The following HNF4A variants were observed in gnomAD, a reference collection of about 807,000 sequenced individuals.
HNF4A encodes hepatocyte nuclear factor 4 alpha, also known as hepatocyte nuclear factor 4-alpha.
A neutral mutation model predicts 52.4 loss-of-function variants in HNF4A; 15 were observed. That is an observed-to-expected ratio of 0.29 (90% CI 0.19 to 0.44). HNF4A has a LOEUF of 0.44. HNF4A is among the 20% of genes least tolerant of loss of function. The pLI is 1.00. For missense variants in HNF4A, 479 were observed against 647.2 expected, an observed-to-expected ratio of 0.74 and a Z score of 2.82; for synonymous variants, 280 against 264.4, an observed-to-expected ratio of 1.06 and a Z score of -0.57.
chr20:44,376,810 T>C (rs2063090364), intron 1 of HNF4A, among the ~76,000 whole-genome samples: 1 of 152,196 alleles, frequency 6.6e-6, no homozygotes, highest in African/African-American at 2.4e-5. Flanking sequence ...TTAAATGATA[T>C]ACTGTACATA....
upstream of HNF4A, among the ~76,000 whole-genome samples, chr20:44,400,260 A>G (rs1437092855): frequency 2.0e-5 from 3 of 151,506 alleles, no homozygotes; most frequent in African/African-American, 4.9e-5. Context: ...CACTGGCGAT[A>G]CCCCCACAAA....
chr20:44,393,749 A>AACCCTGGAAGTT (rs1390973009), intron 1 of HNF4A, among the ~76,000 whole-genome samples: 1 of 152,184 alleles, frequency 6.6e-6, no homozygotes, highest in Non-Finnish European at 1.5e-5. Flanking sequence ...TTTTCATGAC[A>AACCCTGGAAGTT]ACCCTGGAAG....
At chr20:44,366,186 TAGTAAG>T (rs1233170183) in intron 1 of HNF4A, among the ~76,000 whole-genome samples, 2 of 152,224 alleles carry the variant, frequency 1.3e-5, no homozygotes, top group Non-Finnish European at 2.9e-5. Context: ...GCATTTCATG[TAGTAAG>T]AGTAAGATAT....
intron 1 of HNF4A, among the ~76,000 whole-genome samples, chr20:44,386,819 A>G (rs1476424443): frequency 6.6e-6 from 1 of 152,182 alleles, no homozygotes; most frequent in Non-Finnish European, 1.5e-5. Flanking sequence ...ACCTTTCTAA[A>G]TGTTGGAGCA....
intron 1 of HNF4A, among the ~76,000 whole-genome samples, chr20:44,394,396 TAAA>T (rs1350105430): frequency 1.3e-5 from 2 of 152,066 alleles, no homozygotes; most frequent in Admixed American, 1.3e-4. Context: ...AACCCTCAAA[TAAA>T]ATATTAAGAC....
chr20:44,418,678 A>G (rs1163878790), intron 6 of HNF4A, among the ~76,000 whole-genome samples, 166 bp downstream of exon 6: 1 of 152,224 alleles, frequency 6.6e-6, no homozygotes, highest in African/African-American at 2.4e-5. Flanking sequence ...TCAGTTTTCA[A>G]CTGGGTACCC....
intron 1 of HNF4A, chr20:44,389,750 C>T (rs1190661818): frequency 2.0e-5 from 3 of 152,290 alleles, no homozygotes; most frequent in African/African-American, 4.8e-5. Context: ...TAATTACCAT[C>T]TGACTAAACG....
chr20:44,402,760 C>A (rs1476566816), intron 1 of HNF4A: 2 of 453,674 alleles, frequency 4.4e-6, no homozygotes, highest in Non-Finnish European at 4.1e-6. Flanking sequence ...TGCCACCCTG[C>A]TTCCTTCTGT....
chr20:44,424,624 T>C, intron 8 of HNF4A: 1 of 1,402,826 alleles, frequency 7.1e-7, no homozygotes, highest in African/African-American at 1.4e-5. Flanking sequence ...GATTTTGAAA[T>C]AAACAGGTAA....
In HNF4A at chr20:44,424,103, C is replaced by A. The variant is rs760811566; in HGVS notation, c.978C>A (p.Arg326=). ...GCTTGGAGGACTACATCAACGACCG[C>A]CAGTATGACTCGCGTGGCCGCTTTG... Residue 326 remains arginine (R), a synonymous_variant, in exon 8 of 10, where the codon CGC becomes CGA. Transcript: ENST00000316099. The A allele has an allele frequency of 3.0e-5, 49 of 1,613,376 alleles. No individual in the cohort carries two copies. The African/African-American group carries it at 6.0e-4, about 20-fold the overall frequency.
intron 1 of HNF4A, among the ~76,000 whole-genome samples, chr20:44,378,827 G>A (rs994488202): frequency 5.3e-5 from 8 of 151,256 alleles, no homozygotes; most frequent in Admixed American, 2.6e-4. Flanking sequence ...GCTGAGGCAG[G>A]AGACTCGCTT....
At position 44,430,609 on chromosome 20, in the gene HNF4A, G is replaced by T; in HGVS notation, c.*944G>T. ...ATCTAGCAAGAATTGAGGAAGAATG[G>T]TGTGGGAGAGGGATGATGAAGAGAG... On this transcript the variant is annotated 3_prime_UTR_variant, in exon 10 of 10. Coordinates refer to ENST00000316099, the MANE Select transcript of HNF4A (RefSeq NM_000457.6). 9.6e-6 allele frequency: 1 copy of T among 104,210 alleles called. No individual in the cohort carries two copies. The highest frequency in any genetic ancestry group is 2.1e-5 in the Non-Finnish European group (1 of 47,510). The allele number at this position is 104,210 out of a possible 1,614,324, so 6.5% of individuals were successfully genotyped here. A position where few individuals can be genotyped will look rare whatever the true frequency, so the allele number is the denominator to read the frequency against.
rs535882416 is a variant in HNF4A, at chr20:44,389,333, G to A, written c.50-16725G>A. On this transcript the variant is annotated intron_variant, in intron 1 of 9. Transcript: ENST00000316673. Reference sequence around the variant, plus strand: ...ACCAAAACGCAAGCTCTGTGAGGGAGGGTGTAGGGTTGCCCGACACAACAC... The same window carrying A: ...ACCAAAACGCAAGCTCTGTGAGGGAAGGTGTAGGGTTGCCCGACACAACAC... 4.6e-5 allele frequency among the ~76,000 whole-genome samples: 7 copies of A among 152,288 alleles called. No homozygotes were observed. In the East Asian group the frequency reaches 1.4e-3, roughly 29 times the overall value.
At chr20:44,403,118 C>G (rs146023228) in intron 1 of HNF4A, among the ~76,000 whole-genome samples, 6 of 152,274 alleles carry the variant, frequency 3.9e-5, no homozygotes, top group African/African-American at 1.4e-4. Flanking sequence ...CCCACGAGGA[C>G]CACTGCCCTG....
chr20:44,416,610 C>T (rs2063668860), intron 5 of HNF4A, among the ~76,000 whole-genome samples: 1 of 152,216 alleles, frequency 6.6e-6, no homozygotes, highest in Non-Finnish European at 1.5e-5. Context: ...TTTCTGTTTT[C>T]CTCACAGGTT....
chr20:44,427,537 T>A (rs1010872101), intron 8 of HNF4A, among the ~76,000 whole-genome samples: 1 of 152,242 alleles, frequency 6.6e-6, no homozygotes, highest in Non-Finnish European at 1.5e-5. Context: ...TCCATCATCG[T>A]CATATTACTC....
chr20:44,411,908 T>G lies in HNF4A; in HGVS notation c.386-1786T>G, dbSNP rs566042441. On this transcript the variant is annotated intron_variant, in intron 3 of 9. Transcript: ENST00000316099. ...CCGTCTCTCAAAAAAAAAAAAAAATTTAGCCAGGCGTGGTGGCACACGCCT... is the reference window on the plus strand; with the variant it reads ...CCGTCTCTCAAAAAAAAAAAAAAATGTAGCCAGGCGTGGTGGCACACGCCT... Among the ~76,000 whole-genome samples the G allele has an allele frequency of 6.1e-3, 919 of 150,764 alleles. 11 individuals carry two copies. Among genetic ancestry groups the G allele is most frequent in the African/African-American group, 0.022 (884 of 40,842 alleles).
intron 1 of HNF4A, among the ~76,000 whole-genome samples, chr20:44,365,368 C>A (rs2062960191): frequency 6.6e-6 from 1 of 151,984 alleles, no homozygotes; most frequent in Non-Finnish European, 1.5e-5. Flanking sequence ...AGTGACAGGT[C>A]TTGCTGTGTT....
chr20:44,399,036 C>A (rs1182956077), upstream of HNF4A, among the ~76,000 whole-genome samples: 2 of 152,210 alleles, frequency 1.3e-5, no homozygotes, highest in African/African-American at 4.8e-5. Flanking sequence ...CCCTTGGAGG[C>A]TCCTCCCGGA....
Sources: allele counts gnomAD v4.1 joint callset (sites outside exome capture counted in the v4.1 genomes callset), GRCh38; gene constraint gnomAD v4.1.1; transcripts MANE v1.5; gene names NCBI Gene and HGNC (gene_info 2026-07-23, HGNC 2026-07-21).